Variants in HERC4 observed in about 807,000 individuals in gnomAD.
HERC4 encodes HECT and RLD domain containing E3 ubiquitin protein ligase 4, also known as probable E3 ubiquitin-protein ligase HERC4.
A neutral mutation model predicts 124.3 loss-of-function variants in HERC4; 28 were observed. The ratio of observed to expected loss-of-function variants is 0.23; its 90% CI spans 0.17 to 0.31. The LOEUF is 0.31. Among genes scored for constraint, HERC4 ranks in the 10% least tolerant of loss-of-function variants. The probability of loss-of-function intolerance (pLI) is 1.00; values close to 1 mark genes in which losing one functional copy is unlikely to be tolerated. For missense variants in HERC4, 713 were observed against 1,229.3 expected (o/e 0.58, Z 6.28); for synonymous variants, 407 against 421.5 (o/e 0.97, Z 0.42).
intron 19 of HERC4, among the ~76,000 whole-genome samples, chr10:67,947,740 CAT>C (rs2033479795): frequency 6.7e-6 from 1 of 149,680 alleles, no homozygotes; most frequent in African/African-American, 2.5e-5. Context: ...AGACTAAAAT[CAT>C]AAAAAATTAT....
At chr10:67,946,153 G>A (rs1176991935) in intron 19 of HERC4, among the ~76,000 whole-genome samples, 1 of 151,614 alleles carries the variant, frequency 6.6e-6, no homozygotes, top group Non-Finnish European at 1.5e-5. Flanking sequence ...CTTGGTGGCT[G>A]AAGTGGGAGG....
At chr10:68,043,445 T>C (rs1295949557) in intron 4 of HERC4, among the ~76,000 whole-genome samples, 2 of 152,262 alleles carry the variant, frequency 1.3e-5, no homozygotes, top group Non-Finnish European at 2.9e-5. Context: ...GTATTATTTA[T>C]GTATCTGAAA....
chr10:68,007,082 A>G (rs2037617104), intron 9 of HERC4, among the ~76,000 whole-genome samples: 1 of 151,612 alleles, frequency 6.6e-6, no homozygotes, highest in Non-Finnish European at 1.5e-5. Flanking sequence ...CTCTCCTTCT[A>G]CCTCCTCTTT....
chr10:68,050,159 T>TGGCAA (rs1470909384), intron 3 of HERC4, among the ~76,000 whole-genome samples: 1 of 152,130 alleles, frequency 6.6e-6, no homozygotes, highest in Admixed American at 6.5e-5. Context: ...ATCACTGCAC[T>TGGCAA]CCAGCCTGGG....
chr10:67,992,722 A>G, intron 9 of HERC4, 40 bp from the exon 10 acceptor site: 1 of 1,031,016 alleles, frequency 9.7e-7, no homozygotes, highest in South Asian at 1.4e-5. Flanking sequence ...CAAGATTTAC[A>G]TAACATATTT....
rs552168489 is a variant in HERC4, at chr10:68,065,843, T to A, written c.226+7040A>T. Among the ~76,000 whole-genome samples the A allele has an allele frequency of 9.2e-5, 14 of 152,140 alleles. No individual in the cohort carries two copies. In the South Asian group the frequency reaches 2.9e-3, roughly 32 times the overall value. ...CCACTGTACTCCAGTGACAACAAGATCCTGTCTAAAAAAACAAAACAAAAC... is the reference window on the plus strand; with the variant it reads ...CCACTGTACTCCAGTGACAACAAGAACCTGTCTAAAAAAACAAAACAAAAC... On this transcript the variant is annotated intron_variant, in intron 3 of 24. Coordinates refer to ENST00000373700, the MANE Select transcript of HERC4 (RefSeq NM_015601.4).
Position 67,998,046 on chromosome 10 carries a change from G to A in HERC4, c.1070-5364C>T, listed in dbSNP as rs192612554. On this transcript the variant is annotated intron_variant, in intron 9 of 24. Transcript: ENST00000373700. ...CTGGAGTAGCTGGGACTATAGGTGCGTGCCACCACGCCTAGCTAATTTTTG... is the reference window on the plus strand; with the variant it reads ...CTGGAGTAGCTGGGACTATAGGTGCATGCCACCACGCCTAGCTAATTTTTG... Among the ~76,000 whole-genome samples, 203 of 151,914 alleles carry A rather than the reference G, an allele frequency of 1.3e-3. 2 individuals are homozygous for A. Among genetic ancestry groups the A allele is most frequent in the Admixed American group, 0.012 (187 of 15,260 alleles).
chr10:67,990,534 G>A, intron 13 of HERC4, 134 bp from the exon 14 acceptor site: 1 of 514,030 alleles, frequency 1.9e-6, no homozygotes, highest in South Asian at 3.7e-5. Context: ...AAATGGTGAA[G>A]AAGAAAAAAG....
intron 19 of HERC4, 92 bp downstream of exon 19, chr10:67,954,503 G>C: frequency 1.0e-6 from 1 of 988,716 alleles, no homozygotes; most frequent in Non-Finnish European, 1.4e-6. Flanking sequence ...GGATCCAGTA[G>C]TAATTCCTTA....
intron 7 of HERC4, among the ~76,000 whole-genome samples, chr10:68,029,425 G>GA: frequency 6.6e-6 from 1 of 151,916 alleles, no homozygotes; most frequent in Non-Finnish European, 1.5e-5. Context: ...CCAAGAGGTG[G>GA]ACGTTACAGT....
intron 19 of HERC4, among the ~76,000 whole-genome samples, chr10:67,943,489 CCAA>C (rs1261819641): frequency 1.3e-5 from 2 of 152,196 alleles, no homozygotes; most frequent in Non-Finnish European, 2.9e-5. Context: ...ACTGGACGTA[CCAA>C]TACCCGCAAT....
intron 8 of HERC4, among the ~76,000 whole-genome samples, chr10:68,019,722 C>T (rs573937224): frequency 6.6e-6 from 1 of 152,182 alleles, no homozygotes; most frequent in Non-Finnish European, 1.5e-5. Flanking sequence ...CAGTTACCCA[C>T]TCCTTACTCC....
intron 7 of HERC4, among the ~76,000 whole-genome samples, chr10:68,031,220 C>T (rs974923724): frequency 2.0e-5 from 3 of 152,112 alleles, no homozygotes; most frequent in Admixed American, 6.6e-5. Context: ...TAAAAAGTTA[C>T]TTATCCTAGA....
At position 67,992,570 on chromosome 10, in the gene HERC4, G is replaced by A. The variant is rs757660888; in HGVS notation, c.1146+36C>T. 9.8e-6 allele frequency: 12 copies of A among 1,223,408 alleles called. No individual in the cohort carries two copies. The South Asian group carries it at 1.6e-4, about 17-fold the overall frequency. 75.8% of individuals were successfully genotyped at this position (1,223,408 alleles called of 1,614,324 possible). ...GTTTTTAAAATTTGTCAAAATTATT[G>A]GAGCTATTTAATTATTTACATGACT... On this transcript the variant is annotated intron_variant, in intron 10 of 24. Transcript: ENST00000373700.
chr10:68,006,043 A>G (rs577216364), intron 9 of HERC4, among the ~76,000 whole-genome samples: 19 of 152,342 alleles, frequency 1.2e-4, no homozygotes, highest in African/African-American at 4.3e-4. Flanking sequence ...AAATAAGCAA[A>G]GAGAAAAATG....
Position 68,053,026 on chromosome 10 carries a change from G to A in HERC4, c.227-8463C>T, listed in dbSNP as rs1292116900. 2.0e-5 allele frequency among the ~76,000 whole-genome samples: 3 copies of A among 152,246 alleles called. No individual in the cohort carries two copies. In the East Asian group the frequency reaches 5.8e-4, roughly 29 times the overall value. ...TATACTGATAGTTTATTTCACTACT[G>A]CATCATCCTTCTAAGAAACCACATC... On this transcript the variant is annotated intron_variant, in intron 3 of 24. Coordinates refer to ENST00000373700, the MANE Select transcript of HERC4 (RefSeq NM_015601.4).
intron 16 of HERC4, chr10:67,960,911 C>T: frequency 1.3e-5 from 4 of 304,486 alleles, no homozygotes; most frequent in Middle Eastern, 6.0e-4. Context: ...TTATCTTTTC[C>T]AATGTTTATT....
chr10:67,965,204 T>C (rs1419298208), intron 16 of HERC4: 1 of 152,248 alleles, frequency 6.6e-6, no homozygotes, highest in African/African-American at 2.4e-5. Flanking sequence ...TTCAGATTAG[T>C]ACTCATACTT....
At chr10:68,043,477 T>C (rs1323394778) in intron 4 of HERC4, among the ~76,000 whole-genome samples, 2 of 152,212 alleles carry the variant, frequency 1.3e-5, no homozygotes, top group Admixed American at 1.3e-4. Flanking sequence ...CTGAAATCTG[T>C]ATATTTTTAC....
Sources: allele counts gnomAD v4.1 joint callset (sites outside exome capture counted in the v4.1 genomes callset), GRCh38; gene constraint gnomAD v4.1.1; transcripts MANE v1.5; gene names NCBI Gene and HGNC (gene_info 2026-07-23, HGNC 2026-07-21).